GRIK2: variants seen among roughly 807,000 people sequenced by gnomAD.
GRIK2 encodes the protein glutamate ionotropic receptor kainate type subunit 2.
In GRIK2, 32 loss-of-function variants were observed where a neutral mutation model predicts 100.3. The observed-to-expected ratio is 0.32, with a 90% CI of 0.24 to 0.43. GRIK2 has a LOEUF of 0.43. GRIK2 is among the 20% of genes least tolerant of loss of function. GRIK2 has a pLI of 1.00. For missense variants in GRIK2, 843 were observed against 1,114.9 expected (o/e 0.76, Z 3.47); for synonymous variants, 417 against 389.4 (o/e 1.07, Z -0.83).
chr6:101,889,175 T>C (rs1030983410), intron 11 of GRIK2, among the ~76,000 whole-genome samples: 1 of 152,142 alleles, frequency 6.6e-6, no homozygotes, highest in African/African-American at 2.4e-5. Flanking sequence ...TATTCTATAT[T>C]TTAAAATCAG....
At chr6:101,883,013 A>C (rs1385267624) in intron 11 of GRIK2, among the ~76,000 whole-genome samples, 2 of 151,268 alleles carry the variant, frequency 1.3e-5, no homozygotes, top group Non-Finnish European at 2.9e-5. Context: ...TCATTTTTTA[A>C]AATTATTTTT....
At chr6:101,512,619 A>T (rs1039655852) in intron 2 of GRIK2, among the ~76,000 whole-genome samples, 4 of 152,178 alleles carry the variant, frequency 2.6e-5, no homozygotes, top group African/African-American at 9.6e-5. Flanking sequence ...TATGTCAATA[A>T]TTAAAATATT....
chr6:101,873,285 C>T (rs966186756), intron 11 of GRIK2, among the ~76,000 whole-genome samples: 3 of 137,032 alleles, frequency 2.2e-5, no homozygotes, highest in African/African-American at 8.1e-5. Context: ...GTGATGTTCC[C>T]CTTCCTGTGT....
Position 101,998,104 on chromosome 6 carries a change from C to G in GRIK2, c.2086-37237C>G, listed in dbSNP as rs147558689. ...ATCCCTTGGTAATATGGACCACACA[C>G]CTTTTCTCAATACTGCTCCTAATCA... On this transcript the variant is annotated intron_variant, in intron 14 of 16. Coordinates refer to ENST00000369134, the MANE Select transcript of GRIK2 (RefSeq NM_021956.5). 3.5e-3 allele frequency among the ~76,000 whole-genome samples: 539 copies of G among 152,216 alleles called. 5 individuals carry two copies. Among genetic ancestry groups the G allele is most frequent in the African/African-American group, 0.011 (478 of 41,574 alleles).
At chr6:101,582,027 T>A (rs1778125049) in intron 2 of GRIK2, among the ~76,000 whole-genome samples, 1 of 152,106 alleles carries the variant, frequency 6.6e-6, no homozygotes, top group Non-Finnish European at 1.5e-5. Flanking sequence ...CTTGTGATAG[T>A]GAGTTCTCAT....
intron 2 of GRIK2, among the ~76,000 whole-genome samples, chr6:101,578,074 C>T (rs1232086): frequency 0.018 from 2,764 of 152,196 alleles, 89 homozygotes; most frequent in African/African-American, 0.063. Context: ...ATGAGACTTG[C>T]GTCTTGATCC....
intron 2 of GRIK2, among the ~76,000 whole-genome samples, chr6:101,400,996 G>A (rs773917990): frequency 8.5e-5 from 13 of 152,178 alleles, no homozygotes; most frequent in Non-Finnish European, 1.8e-4. Flanking sequence ...ACGCACACGC[G>A]TGTGTGTGCA....
At chr6:101,528,020 C>A (rs1268824976) in intron 2 of GRIK2, among the ~76,000 whole-genome samples, 1 of 136,792 alleles carries the variant, frequency 7.3e-6, no homozygotes, top group Non-Finnish European at 1.7e-5. Flanking sequence ...GGGTTCATAT[C>A]CCAGCTTTAC....
At chr6:101,699,208 G>A (rs1391653951) in intron 7 of GRIK2, among the ~76,000 whole-genome samples, 1 of 152,132 alleles carries the variant, frequency 6.6e-6, no homozygotes, top group Non-Finnish European at 1.5e-5. Flanking sequence ...AAATATGGCA[G>A]TCAAATGGTT....
In GRIK2 at chr6:101,531,161, C is replaced by T. The variant is rs534821047; in HGVS notation, c.116-90788C>T. ...GAGTATCCCAGGATATCTGATAAAC[C>T]CATTAGAAATACGGATCAAGAGCTC... On this transcript the variant is annotated intron_variant, in intron 2 of 16. Coordinates refer to ENST00000369134, the MANE Select transcript of GRIK2 (RefSeq NM_021956.5). 4.6e-5 allele frequency among the ~76,000 whole-genome samples: 7 copies of T among 151,984 alleles called. No homozygotes were observed. In the South Asian group the frequency reaches 1.4e-3, roughly 31 times the overall value.
intron 2 of GRIK2, among the ~76,000 whole-genome samples, chr6:101,434,528 T>G (rs898785873): frequency 1.3e-5 from 2 of 152,194 alleles, no homozygotes. Context: ...AATATGTCAT[T>G]TATACATTTT....
intron 2 of GRIK2, among the ~76,000 whole-genome samples, chr6:101,507,329 A>G (rs925422789): frequency 1.3e-5 from 2 of 152,128 alleles, no homozygotes; most frequent in Non-Finnish European, 2.9e-5. Context: ...TAGTTTGGGT[A>G]TTGCCTTAGA....
At chr6:102,036,126 A>G (rs1770254599) in intron 15 of GRIK2, among the ~76,000 whole-genome samples, 2 of 151,262 alleles carry the variant, frequency 1.3e-5, no homozygotes, top group Admixed American at 1.3e-4. Context: ...TAGTCAAAAT[A>G]ATCAAATGAG....
chr6:101,851,872 T>C (rs1315823324), intron 10 of GRIK2, among the ~76,000 whole-genome samples: 3 of 151,294 alleles, frequency 2.0e-5, no homozygotes, highest in Non-Finnish European at 4.4e-5. Context: ...CAGTAAGAAT[T>C]ATTTAATCAA....
intron 7 of GRIK2, among the ~76,000 whole-genome samples, chr6:101,722,450 A>G (rs1174855444): frequency 6.6e-6 from 1 of 152,066 alleles, no homozygotes; most frequent in East Asian, 1.9e-4. Flanking sequence ...TTGTGTTTAT[A>G]CTTACGTCTT....
intron 7 of GRIK2, among the ~76,000 whole-genome samples, chr6:101,734,878 A>T (rs529183870): frequency 6.6e-6 from 1 of 152,304 alleles, no homozygotes; most frequent in Non-Finnish European, 1.5e-5. Flanking sequence ...TTGTGGTTTG[A>T]TCTCAACTTG....
chr6:101,780,028 T>A (rs528786441), intron 7 of GRIK2, among the ~76,000 whole-genome samples: 2 of 152,290 alleles, frequency 1.3e-5, no homozygotes, highest in Non-Finnish European at 2.9e-5. Context: ...CTATCTCATA[T>A]GGATTTTAAT....
At chr6:101,917,258 G>A (rs942726815) in intron 12 of GRIK2, among the ~76,000 whole-genome samples, 14 of 151,366 alleles carry the variant, frequency 9.2e-5, no homozygotes, top group Non-Finnish European at 1.3e-4. Flanking sequence ...ATTTTCTTTT[G>A]TACTGGAGAC....
chr6:101,841,725 A>G (rs1783517530), intron 10 of GRIK2, among the ~76,000 whole-genome samples: 1 of 152,174 alleles, frequency 6.6e-6, no homozygotes, highest in Non-Finnish European at 1.5e-5. Context: ...TACACTGTGG[A>G]AAACAATAAG....
Sources: gnomAD v4.1 joint callset for allele counts (sites outside exome capture counted in the v4.1 genomes callset) on GRCh38, gnomAD v4.1.1 for gene constraint, MANE v1.5 for transcripts, NCBI Gene and HGNC (gene_info 2026-07-23, HGNC 2026-07-21) for gene names.